The following LUZP2 variants were observed in gnomAD, a reference collection of about 807,000 sequenced individuals.
The protein encoded by LUZP2 is leucine zipper protein 2.
LUZP2 carries 52 observed loss-of-function variants against 51.6 expected under a neutral mutation model. That is an observed-to-expected ratio of 1.01 (90% CI 0.81 to 1.27). The LOEUF (loss-of-function observed/expected upper bound fraction) is 1.27. Ranked by LOEUF, LUZP2 falls within the 50% of genes most tolerant of loss-of-function variation. The pLI, the probability that LUZP2 is intolerant of heterozygous loss-of-function variation, is 0.00. For missense variants in LUZP2, 436 were observed against 395.4 expected (o/e 1.10, Z -0.87); for synonymous variants, 154 against 137.3 (o/e 1.12, Z -0.85).
intron 1 of LUZP2, among the ~76,000 whole-genome samples, chr11:24,658,011 A>G (rs1057279956): frequency 1.3e-5 from 2 of 152,218 alleles, no homozygotes; most frequent in Non-Finnish European, 2.9e-5. Flanking sequence ...AAGGTAATTT[A>G]TAGATTCAAT....
At chr11:24,855,300 TA>T (rs1363399196) in intron 5 of LUZP2, among the ~76,000 whole-genome samples, 1 of 152,062 alleles carries the variant, frequency 6.6e-6, no homozygotes, top group Non-Finnish European at 1.5e-5. Context: ...AATAAACCTA[TA>T]AAAATCAGTA....
intron 1 of LUZP2, among the ~76,000 whole-genome samples, chr11:24,630,894 C>T (rs1854865481): frequency 6.6e-6 from 1 of 151,464 alleles, no homozygotes; most frequent in South Asian, 2.1e-4. Flanking sequence ...TTATAAGTTT[C>T]TTTTTGTAGA....
At chr11:24,892,183 C>A in intron 5 of LUZP2, 3 of 985,478 alleles carry the variant, frequency 3.0e-6, no homozygotes, top group Non-Finnish European at 3.6e-6. Context: ...TCCTTTTTTA[C>A]CTTCTGTGGT....
intron 1 of LUZP2, among the ~76,000 whole-genome samples, chr11:24,562,677 C>T (rs1424484533): frequency 6.8e-6 from 1 of 147,736 alleles, no homozygotes; most frequent in East Asian, 2.0e-4. Flanking sequence ...CATGGTGAAA[C>T]CCCGTCTCTA....
chr11:24,888,613 A>T (rs565527479), intron 5 of LUZP2, among the ~76,000 whole-genome samples: 41 of 152,242 alleles, frequency 2.7e-4, no homozygotes, highest in African/African-American at 9.4e-4. Flanking sequence ...ACGCATGCTG[A>T]GTTCCCAAAA....
At chr11:24,788,706 C>A (rs1278467338) in intron 5 of LUZP2, among the ~76,000 whole-genome samples, 1 of 152,054 alleles carries the variant, frequency 6.6e-6, no homozygotes, top group Admixed American at 6.6e-5. Flanking sequence ...TGGAGGCTGC[C>A]AATTCCATAA....
intron 7 of LUZP2, among the ~76,000 whole-genome samples, chr11:24,940,473 C>T (rs916804063): frequency 6.6e-6 from 1 of 152,124 alleles, no homozygotes; most frequent in Non-Finnish European, 1.5e-5. Context: ...TCCAAGCCTG[C>T]TGTGTTTAAT....
intron 1 of LUZP2, among the ~76,000 whole-genome samples, chr11:24,531,694 C>T (rs1396851): frequency 1 from 150,878 of 150,888 alleles, 75,434 homozygotes; most frequent in Non-Finnish European, 1. Context: ...TATCTTTCTA[C>T]GCTGGCTCAT....
chr11:24,629,727 G>C (rs1032324631), intron 1 of LUZP2, among the ~76,000 whole-genome samples: 1 of 151,562 alleles, frequency 6.6e-6, no homozygotes, highest in African/African-American at 2.4e-5. Flanking sequence ...GGGATTGCTG[G>C]ATTGAATGGT....
intron 9 of LUZP2, among the ~76,000 whole-genome samples, chr11:25,046,989 A>G (rs1335353775): frequency 6.6e-6 from 1 of 152,154 alleles, no homozygotes; most frequent in East Asian, 1.9e-4. Flanking sequence ...TTTATTTTTT[A>G]ATTTCCTTTA....
chr11:24,514,829 G>C (rs142505110), intron 1 of LUZP2, among the ~76,000 whole-genome samples: 1,712 of 152,306 alleles, frequency 0.011, 17 homozygotes, highest in Non-Finnish European at 0.019. Flanking sequence ...GGTGAGGGCT[G>C]TTCTGTAAAA....
chr11:24,956,828 A>G (rs1380553565), intron 7 of LUZP2, among the ~76,000 whole-genome samples: 1 of 152,116 alleles, frequency 6.6e-6, no homozygotes, highest in African/African-American at 2.4e-5. Flanking sequence ...ATGATCAGCT[A>G]TTTCACATGC....
intron 5 of LUZP2, among the ~76,000 whole-genome samples, chr11:24,844,027 A>G (rs1838684144): frequency 6.6e-6 from 1 of 152,118 alleles, no homozygotes; most frequent in South Asian, 2.1e-4. Context: ...GTACCAGTAG[A>G]GTGGGGCATT....
intron 5 of LUZP2, among the ~76,000 whole-genome samples, chr11:24,813,495 G>C (rs1347925763): frequency 6.6e-6 from 1 of 152,160 alleles, no homozygotes. Flanking sequence ...GCAAGAGAGA[G>C]AGAGAAAGAG....
intron 1 of LUZP2, among the ~76,000 whole-genome samples, chr11:24,713,495 T>C (rs1274636292): frequency 2.0e-5 from 3 of 151,958 alleles, no homozygotes; most frequent in Admixed American, 2.0e-4. Context: ...GTCCTTCATA[T>C]CTATGGGTCC....
chr11:24,682,840 C>T (rs1243467009), intron 1 of LUZP2, among the ~76,000 whole-genome samples: 1 of 151,724 alleles, frequency 6.6e-6, no homozygotes, highest in Non-Finnish European at 1.5e-5. Flanking sequence ...CCCATCTCTA[C>T]TAAAAAGACA....
intron 1 of LUZP2, among the ~76,000 whole-genome samples, chr11:24,654,882 G>T (rs771468920): frequency 1.6e-4 from 24 of 151,456 alleles, no homozygotes; most frequent in Admixed American, 5.3e-4. Flanking sequence ...TTAGTGGAAA[G>T]ATTTTTTCCA....
intron 5 of LUZP2, among the ~76,000 whole-genome samples, chr11:24,771,981 T>C (rs540660886): frequency 6.6e-6 from 1 of 152,308 alleles, no homozygotes; most frequent in Admixed American, 6.5e-5. Context: ...GTCTCAGTTA[T>C]GTCTTTATTA....
intron 5 of LUZP2, among the ~76,000 whole-genome samples, chr11:24,815,437 A>T (rs1850151966): frequency 6.6e-6 from 1 of 152,194 alleles, no homozygotes; most frequent in Non-Finnish European, 1.5e-5. Context: ...GTGGCTATGG[A>T]ATTGGATGTT....
Sources: allele counts gnomAD v4.1 joint callset (sites outside exome capture counted in the v4.1 genomes callset), GRCh38; gene constraint gnomAD v4.1.1; transcripts MANE v1.5; gene names NCBI Gene and HGNC (gene_info 2026-07-23, HGNC 2026-07-21).